The following DLG2 variants were observed in gnomAD, a reference collection of about 807,000 sequenced individuals.
DLG2 encodes discs large MAGUK scaffold protein 2, also known as disks large homolog 2.
A neutral mutation model predicts 132.5 loss-of-function variants in DLG2; 45 were observed. The ratio of observed to expected loss-of-function variants is 0.34; its 90% CI spans 0.27 to 0.44. The LOEUF is 0.44. Among genes scored for constraint, DLG2 ranks in the 20% least tolerant of loss-of-function variants. The probability of loss-of-function intolerance (pLI) is 1.00; values close to 1 mark genes in which losing one functional copy is unlikely to be tolerated. For synonymous variants in DLG2, 424 were observed against 419.6 expected (o/e 1.01, Z -0.13); for missense variants, 1,045 against 1,196.9 (o/e 0.87, Z 1.87).
At chr11:85,093,208 A>G (rs943721002) in intron 6 of DLG2, among the ~76,000 whole-genome samples, 8 of 152,150 alleles carry the variant, frequency 5.3e-5, no homozygotes, top group African/African-American at 1.9e-4. Context: ...GTTGAAATAT[A>G]TTTATTCTCT....
At chr11:84,313,000 C>T (rs985391653) in intron 7 of DLG2, among the ~76,000 whole-genome samples, 2 of 151,710 alleles carry the variant, frequency 1.3e-5, no homozygotes, top group African/African-American at 4.8e-5. Context: ...TTAGTAGAGA[C>T]GGGGCTTCAC....
chr11:83,876,296 C>T (rs538448401), intron 15 of DLG2, among the ~76,000 whole-genome samples: 10 of 152,106 alleles, frequency 6.6e-5, no homozygotes, highest in South Asian at 2.1e-4. Context: ...TTTAGCAGAG[C>T]GTGTACTTTG....
intron 18 of DLG2, chr11:83,651,653 G>C (rs2070502642): frequency 3.6e-6 from 1 of 278,078 alleles, no homozygotes; most frequent in Non-Finnish European, 7.4e-6. Flanking sequence ...TGGAGGAGGA[G>C]GAAGAAAACA....
chr11:84,002,345 T>A (rs112568192), intron 11 of DLG2, among the ~76,000 whole-genome samples: 9 of 152,302 alleles, frequency 5.9e-5, no homozygotes, highest in African/African-American at 2.2e-4. Flanking sequence ...AACTAGGTAG[T>A]ACCCCAGTGG....
intron 3 of DLG2, among the ~76,000 whole-genome samples, chr11:85,300,078 G>A (rs114528111): frequency 1.1e-3 from 174 of 152,156 alleles, no homozygotes; most frequent in African/African-American, 4.0e-3. Flanking sequence ...TATTGACTGT[G>A]TGCCTTGTAC....
intron 6 of DLG2, among the ~76,000 whole-genome samples, chr11:84,888,449 T>C (rs1402723599): frequency 6.6e-6 from 1 of 152,094 alleles, no homozygotes; most frequent in Non-Finnish European, 1.5e-5. Context: ...CCATTCCTAC[T>C]TTTCAGTTCT....
At chr11:85,339,714 A>T (rs983938197) in intron 3 of DLG2, among the ~76,000 whole-genome samples, 8 of 152,150 alleles carry the variant, frequency 5.3e-5, no homozygotes, top group Admixed American at 3.3e-4. Context: ...AGTCTTTAAG[A>T]CTTCTTTGTA....
chr11:84,307,829 T>C (rs559347381), intron 7 of DLG2, among the ~76,000 whole-genome samples: 3 of 151,670 alleles, frequency 2.0e-5, no homozygotes, highest in Non-Finnish European at 4.4e-5. Context: ...GTGGGGTTCG[T>C]GGTCTCGCTG....
chr11:85,314,127 C>T (rs2152812520), intron 3 of DLG2, among the ~76,000 whole-genome samples: 1 of 152,058 alleles, frequency 6.6e-6, no homozygotes, highest in East Asian at 1.9e-4. Flanking sequence ...TTATTGAGAA[C>T]ATACAATATG....
chr11:84,883,689 T>C (rs1233513617), intron 6 of DLG2, among the ~76,000 whole-genome samples: 1 of 152,094 alleles, frequency 6.6e-6, no homozygotes, highest in Non-Finnish European at 1.5e-5. Context: ...CTTTTTAACT[T>C]CCAAGAAGTT....
At chr11:84,138,116 G>A (rs2094681193) in intron 9 of DLG2, among the ~76,000 whole-genome samples, 1 of 152,134 alleles carries the variant, frequency 6.6e-6, no homozygotes, top group Non-Finnish European at 1.5e-5. Flanking sequence ...TCAAATCTCA[G>A]CTCTCCCACA....
intron 8 of DLG2, among the ~76,000 whole-genome samples, chr11:84,171,512 G>A (rs1040930266): frequency 2.6e-5 from 4 of 152,102 alleles, no homozygotes; most frequent in African/African-American, 4.8e-5. Flanking sequence ...TTTTACTTAA[G>A]ATAATGGCCT....
chr11:85,108,007 AACACACAC>A (rs10654409), intron 6 of DLG2, among the ~76,000 whole-genome samples: 54 of 142,342 alleles, frequency 3.8e-4, no homozygotes, highest in African/African-American at 1.4e-3. Context: ...CAAACAAATA[AACACACAC>A]ACACACACAC....
At chr11:85,459,940 C>A (rs1243209983) in intron 3 of DLG2, among the ~76,000 whole-genome samples, 3 of 152,144 alleles carry the variant, frequency 2.0e-5, no homozygotes, top group Admixed American at 6.5e-5. Flanking sequence ...CTGTGCTGTA[C>A]AGGAGATCTG....
chr11:84,989,337 G>A lies in DLG2; in HGVS notation c.357+122324C>T, dbSNP rs144002158. Among the ~76,000 whole-genome samples, 1,343 of 152,118 alleles carry A rather than the reference G, an allele frequency of 8.8e-3. 19 individuals are homozygous for A. The highest frequency in any genetic ancestry group is 0.03 in the African/African-American group (1,256 of 41,510). On this transcript the variant is annotated intron_variant, in intron 6 of 27. Transcript: ENST00000376104. ...ATTATAGGCATCTGCCACCACGCCCGGCTAATTTTTATATTTTTAGTAGAG... is the reference window on the plus strand; with the variant it reads ...ATTATAGGCATCTGCCACCACGCCCAGCTAATTTTTATATTTTTAGTAGAG...
chr11:84,195,341 T>C (rs1160794527), intron 8 of DLG2, among the ~76,000 whole-genome samples: 1 of 152,136 alleles, frequency 6.6e-6, no homozygotes, highest in Non-Finnish European at 1.5e-5. Context: ...TTTTTTTTTA[T>C]TCTAGTAGAG....
At chr11:83,539,635 C>T (rs924830048) in intron 20 of DLG2, among the ~76,000 whole-genome samples, 19 of 151,088 alleles carry the variant, frequency 1.3e-4, no homozygotes, top group Admixed American at 4.0e-4. Context: ...GTATTTACAG[C>T]TATACATTAT....
intron 3 of DLG2, among the ~76,000 whole-genome samples, chr11:85,565,783 A>G (rs1039163472): frequency 4.6e-5 from 7 of 152,050 alleles, no homozygotes; most frequent in African/African-American, 1.7e-4. Flanking sequence ...TCCACTTTTT[A>G]GCTACTATGA....
chr11:84,886,794 C>T (rs1600841951), intron 6 of DLG2, among the ~76,000 whole-genome samples: 1 of 152,208 alleles, frequency 6.6e-6, no homozygotes, highest in African/African-American at 2.4e-5. Context: ...TCACATGCAA[C>T]CTTGTCAAAC....
Sources: gnomAD v4.1 joint callset for allele counts (sites outside exome capture counted in the v4.1 genomes callset) on GRCh38, gnomAD v4.1.1 for gene constraint, MANE v1.5 for transcripts, NCBI Gene and HGNC (gene_info 2026-07-23, HGNC 2026-07-21) for gene names.